NEK5: variants seen among roughly 807,000 people sequenced by gnomAD.
NEK5 encodes the protein NIMA related kinase 5, also known as serine/threonine-protein kinase Nek5.
A neutral mutation model predicts 109.2 loss-of-function variants in NEK5; 88 were observed. The observed-to-expected ratio is 0.81, with a 90% CI of 0.68 to 0.96. The LOEUF (loss-of-function observed/expected upper bound fraction) is 0.96, where lower values mean the gene tolerates loss of function less well. Ranked by LOEUF, NEK5 falls within the 40% of genes least tolerant of loss-of-function variation. The pLI is 0.00. For missense variants in NEK5, 834 were observed against 920.7 expected (o/e 0.91, Z 1.22); for synonymous variants, 283 against 299.9 (o/e 0.94, Z 0.58).
chr13:52,108,406 TA>T lies in NEK5; in HGVS notation c.468-3del. 6.5e-7 allele frequency: 1 copy of T among 1,544,128 alleles called. No individual in the cohort carries two copies. The highest frequency in any genetic ancestry group is 8.9e-7 in the Non-Finnish European group (1 of 1,118,126). ...CAAGTTCGAGCAAGTTCCATGGAAC[TA>T]GTAAATTATATTAAATAATAAATCA... On this transcript the variant is annotated splice_polypyrimidine_tract_variant and splice_region_variant and intron_variant, in intron 7 of 23. Transcript: ENST00000684899.
chr13:52,124,845 G>C (rs1362839343), intron 3 of NEK5, among the ~76,000 whole-genome samples: 1 of 152,156 alleles, frequency 6.6e-6, no homozygotes, highest in Non-Finnish European at 1.5e-5. Context: ...GTGAAGGTTT[G>C]GGGGCATGGC....
chr13:52,055,865 G>C (rs550559420), intron 22 of NEK5, among the ~76,000 whole-genome samples: 1 of 152,026 alleles, frequency 6.6e-6, no homozygotes, highest in South Asian at 2.1e-4. Flanking sequence ...AAAGACCATC[G>C]AGACTACGAA....
chr13:52,057,965 G>A (rs916206991), intron 22 of NEK5, among the ~76,000 whole-genome samples: 2 of 152,018 alleles, frequency 1.3e-5, no homozygotes, highest in Admixed American at 6.6e-5. Flanking sequence ...AATGAGGCAG[G>A]AGAAGCAAAT....
At chr13:52,122,028 A>G (rs1955981694) in intron 3 of NEK5, among the ~76,000 whole-genome samples, 1 of 152,122 alleles carries the variant, frequency 6.6e-6, no homozygotes, top group Non-Finnish European at 1.5e-5. Flanking sequence ...CATCCTCCAG[A>G]ATAGCTGGGA....
chr13:52,090,511 C>T (rs555920590), intron 13 of NEK5, among the ~76,000 whole-genome samples: 50 of 152,206 alleles, frequency 3.3e-4, no homozygotes, highest in South Asian at 1.5e-3. Context: ...GGAATTGATA[C>T]GAGGATTAGA....
At chr13:52,071,858 C>T (rs1429037883) in intron 20 of NEK5, 86 bp downstream of exon 20, 16 of 1,177,216 alleles carry the variant, frequency 1.4e-5, no homozygotes, top group Middle Eastern at 3.8e-4. Flanking sequence ...AACAGTGGAG[C>T]CGAGGCAGAT....
At chr13:52,079,427 G>A (rs947352266) in intron 17 of NEK5, among the ~76,000 whole-genome samples, 4 of 152,060 alleles carry the variant, frequency 2.6e-5, no homozygotes, top group Non-Finnish European at 4.4e-5. Context: ...AGCCTGCCGA[G>A]TGCCTGCGAT....
At chr13:52,056,029 CAG>C (rs199728087) in intron 22 of NEK5, among the ~76,000 whole-genome samples, 117 of 147,022 alleles carry the variant, frequency 8.0e-4, no homozygotes, top group South Asian at 1.9e-3. Flanking sequence ...CAAGACCCAT[CAG>C]TGTGCTGTAT....
chr13:52,120,031 C>G (rs927593091), intron 3 of NEK5, among the ~76,000 whole-genome samples: 5 of 152,140 alleles, frequency 3.3e-5, no homozygotes, highest in African/African-American at 1.2e-4. Flanking sequence ...ACTCTTGATG[C>G]TTTGCTGACT....
intron 13 of NEK5, among the ~76,000 whole-genome samples, chr13:52,091,494 T>TA: frequency 6.6e-6 from 1 of 152,350 alleles, no homozygotes; most frequent in African/African-American, 2.4e-5. Context: ...CTTTTCCCGT[T>TA]ATATGTTTCT....
At chr13:52,048,571 C>A (rs903307669) in intron 23 of NEK5, among the ~76,000 whole-genome samples, 2 of 152,034 alleles carry the variant, frequency 1.3e-5, no homozygotes, top group African/African-American at 4.8e-5. Context: ...TGTTAAAATT[C>A]ATAATCACAT....
At chr13:52,062,222 T>G (rs560549246) in intron 21 of NEK5, 1 of 152,190 alleles carries the variant, frequency 6.6e-6, no homozygotes, top group Non-Finnish European at 1.5e-5. Flanking sequence ...AATAAGACAA[T>G]TGAGGGGAAA....
chr13:52,037,719 C>A (rs1302455912), intron 23 of NEK5, among the ~76,000 whole-genome samples: 1 of 152,024 alleles, frequency 6.6e-6, no homozygotes, highest in Non-Finnish European at 1.5e-5. Flanking sequence ...GTCAGGAGAT[C>A]GAGACCATCC....
chr13:52,043,849 A>C (rs1007864582), intron 23 of NEK5, among the ~76,000 whole-genome samples: 2 of 152,280 alleles, frequency 1.3e-5, no homozygotes, highest in African/African-American at 2.4e-5. Flanking sequence ...AGGAATGTGA[A>C]ATAGAATAAC....
intron 16 of NEK5, among the ~76,000 whole-genome samples, chr13:52,084,810 TG>T (rs1955104927): frequency 7.4e-6 from 1 of 134,524 alleles, no homozygotes; most frequent in Non-Finnish European, 1.7e-5. Flanking sequence ...TGTGTGTGTG[TG>T]TGTGTTTAGA....
chr13:52,062,396 G>A (rs571837820), intron 21 of NEK5, among the ~76,000 whole-genome samples: 7 of 151,932 alleles, frequency 4.6e-5, no homozygotes, highest in African/African-American at 1.2e-4. Flanking sequence ...AGAGGTTGGA[G>A]GCTGCTATGG....
chr13:52,087,343 C>G lies in NEK5; in HGVS notation c.1387G>C (p.Glu463Gln), dbSNP rs267603846. The G allele has an allele frequency of 4.7e-6, 7 of 1,502,480 alleles. No homozygotes were observed. The East Asian group carries it at 1.4e-4, about 29-fold the overall frequency. 93.1% of individuals were successfully genotyped at this position (1,502,480 alleles called of 1,614,324 possible). ...GGAATTAAACAGTTTTTAACCTGTTCCTTCATTTCGTTTTTCCTAAATGGC... is the reference window on the plus strand; with the variant it reads ...GGAATTAAACAGTTTTTAACCTGTTGCTTCATTTCGTTTTTCCTAAATGGC... Reference protein sequence around the residue: ...ELPFRKNEMKEQEYWKQLEEI... With the variant: ...ELPFRKNEMKQQEYWKQLEEI... The change falls in exon 15 of 24, where the codon GAA (glutamate) becomes CAA (glutamine). Residue 463 changes from glutamate to glutamine, a missense_variant. Glu to Gln is a conservative substitution (Grantham distance 29, BLOSUM62 2). Transcript: ENST00000684899.
intron 4 of NEK5, among the ~76,000 whole-genome samples, chr13:52,118,785 T>TG: frequency 6.6e-6 from 1 of 152,228 alleles, no homozygotes; most frequent in East Asian, 1.9e-4. Context: ...TGCCTGAGGA[T>TG]ATGCAGGATC....
intron 16 of NEK5, among the ~76,000 whole-genome samples, chr13:52,084,762 A>AGAGAGAGAGT (rs1228944662): frequency 4.2e-5 from 2 of 47,436 alleles, no homozygotes; most frequent in African/African-American, 1.5e-4. Flanking sequence ...AGAGAGAGAG[A>AGAGAGAGAGT]GTGTGTGTGT....
Sources: gnomAD v4.1 joint callset for allele counts (sites outside exome capture counted in the v4.1 genomes callset) on GRCh38, gnomAD v4.1.1 for gene constraint, MANE v1.5 for transcripts, NCBI Gene and HGNC (gene_info 2026-07-23, HGNC 2026-07-21) for gene names.